UNC5C: variants seen among roughly 807,000 people sequenced by gnomAD.
The protein encoded by UNC5C is netrin receptor UNC5C.
UNC5C carries 47 observed loss-of-function variants against 99.8 expected under a neutral mutation model. That is an observed-to-expected ratio of 0.47 (90% confidence interval 0.37 to 0.60). UNC5C has a LOEUF of 0.60. Among genes scored for constraint, UNC5C ranks in the 20% least tolerant of loss-of-function variants. UNC5C has a pLI of 0.00. For synonymous variants in UNC5C, 487 were observed against 452.2 expected (o/e 1.08, Z -0.98); for missense variants, 1,062 against 1,165.9 (o/e 0.91, Z 1.30).
intron 14 of UNC5C, 57 bp downstream of exon 14, chr4:95,182,840 T>A (rs904288244): frequency 8.4e-6 from 13 of 1,555,340 alleles, no homozygotes; most frequent in Middle Eastern, 1.9e-4. Context: ...GCCCACACAC[T>A]CTGTCTTCCT....
intron 1 of UNC5C, among the ~76,000 whole-genome samples, chr4:95,384,811 C>T (rs565985186): frequency 1.3e-5 from 2 of 152,210 alleles, no homozygotes; most frequent in South Asian, 4.1e-4. Context: ...ACCAAAATAG[C>T]ATCTTCGGAG....
Position 95,386,133 on chromosome 4 carries a change from C to T in UNC5C, c.125-50502G>A, listed in dbSNP as rs942293085. Among the ~76,000 whole-genome samples the T allele has an allele frequency of 3.9e-5, 6 of 152,264 alleles. No individual in the cohort carries two copies. The South Asian group carries it at 6.2e-4, about 16-fold the overall frequency. On this transcript the variant is annotated intron_variant, in intron 1 of 15. Transcript: ENST00000453304. ...TCTCCCGGTAATTTTTCTAATGTTT[C>T]TCCCATCTCTTTGTTCCTTCTGTCC...
At chr4:95,215,952 C>A in intron 10 of UNC5C, 172 bp downstream of exon 10, 1 of 506,264 alleles carries the variant, frequency 2.0e-6, no homozygotes, top group East Asian at 3.5e-5. Context: ...CGTCTGGAGC[C>A]TCAAAGACAA....
In UNC5C at chr4:95,212,757, A is replaced by G. The variant is rs149764245; in HGVS notation, c.1733+3367T>C. On this transcript the variant is annotated intron_variant, in intron 10 of 15. Transcript: ENST00000453304. ...CACTGCTGCTTCTCACCTTTCTCACAATTGTCACAGTGCCCCAGGCTTGAT... is the reference window on the plus strand; with the variant it reads ...CACTGCTGCTTCTCACCTTTCTCACGATTGTCACAGTGCCCCAGGCTTGAT... 1.1e-3 allele frequency among the ~76,000 whole-genome samples: 167 copies of G among 152,134 alleles called. 2 individuals carry two copies. In the East Asian group the frequency reaches 0.032, roughly 29 times the overall value.
At chr4:95,376,818 T>C (rs1744909818) in intron 1 of UNC5C, among the ~76,000 whole-genome samples, 1 of 152,196 alleles carries the variant, frequency 6.6e-6, no homozygotes, top group South Asian at 2.1e-4. Flanking sequence ...AAAATTCACA[T>C]TTGACCACTT....
At chr4:95,521,632 A>T (rs542499093) in intron 1 of UNC5C, among the ~76,000 whole-genome samples, 1 of 152,244 alleles carries the variant, frequency 6.6e-6, no homozygotes, top group Non-Finnish European at 1.5e-5. Context: ...CACATTGGGG[A>T]CTTAGGATTT....
At chr4:95,332,659 G>A (rs1220629115) in intron 2 of UNC5C, among the ~76,000 whole-genome samples, 1 of 150,174 alleles carries the variant, frequency 6.7e-6, no homozygotes, top group African/African-American at 2.4e-5. Flanking sequence ...ACATAGGCAT[G>A]GGCAAGGACT....
chr4:95,295,060 C>T (rs377759576), intron 3 of UNC5C, among the ~76,000 whole-genome samples: 2 of 152,266 alleles, frequency 1.3e-5, no homozygotes, highest in East Asian at 3.9e-4. Flanking sequence ...TCCTTACCCC[C>T]ACAACACAAT....
intron 2 of UNC5C, among the ~76,000 whole-genome samples, chr4:95,324,986 TA>T (rs1430030651): frequency 6.6e-6 from 1 of 152,264 alleles, no homozygotes; most frequent in Admixed American, 6.5e-5. Context: ...CAGTGTTTCC[TA>T]AATTGGCTGC....
At chr4:95,461,443 A>G (rs1578176253) in intron 1 of UNC5C, among the ~76,000 whole-genome samples, 1 of 98,406 alleles carries the variant, frequency 1.0e-5, no homozygotes, top group South Asian at 3.7e-4. Flanking sequence ...CCAAAGTAAA[A>G]TTATAAATTA....
chr4:95,336,617 T>C (rs1743359983), intron 1 of UNC5C, among the ~76,000 whole-genome samples: 1 of 151,936 alleles, frequency 6.6e-6, no homozygotes, highest in African/African-American at 2.4e-5. Context: ...AGTGGACATC[T>C]GTCCACTAAG....
At chr4:95,490,965 A>T (rs1034214286) in intron 1 of UNC5C, among the ~76,000 whole-genome samples, 1 of 151,648 alleles carries the variant, frequency 6.6e-6, no homozygotes, top group Non-Finnish European at 1.5e-5. Flanking sequence ...AACTTCTGGT[A>T]GGGAATGTTT....
At chr4:95,413,002 C>A (rs1159529611) in intron 1 of UNC5C, among the ~76,000 whole-genome samples, 1 of 152,118 alleles carries the variant, frequency 6.6e-6, no homozygotes, top group Non-Finnish European at 1.5e-5. Context: ...GCGAATTGAA[C>A]AAAAGTCAAG....
chr4:95,331,737 C>A (rs1286305496), intron 2 of UNC5C, among the ~76,000 whole-genome samples: 1 of 151,900 alleles, frequency 6.6e-6, no homozygotes, highest in Non-Finnish European at 1.5e-5. Flanking sequence ...TTTTTATGTA[C>A]AATTATAAAA....
At position 95,458,311 on chromosome 4, in the gene UNC5C, A is replaced by G. The variant is rs1480287535; in HGVS notation, c.124+90423T>C. ...AACTGAGATAAAAACAGGGTTTGGA[A>G]GAGGTCTGTATCATATCTATTAATA... On this transcript the variant is annotated intron_variant, in intron 1 of 15. Coordinates refer to ENST00000453304, the MANE Select transcript of UNC5C (RefSeq NM_003728.4). Among the ~76,000 whole-genome samples, 3 of 152,170 alleles carry G rather than the reference A, an allele frequency of 2.0e-5. No homozygotes were observed. The East Asian group carries it at 5.8e-4, about 29-fold the overall frequency.
intron 12 of UNC5C, among the ~76,000 whole-genome samples, chr4:95,191,984 C>A (rs1309337643): frequency 2.2e-5 from 3 of 134,012 alleles, no homozygotes; most frequent in Admixed American, 1.5e-4. Context: ...TCCTCCCCTC[C>A]CCCCTGCTAA....
At chr4:95,277,724 C>A (rs1740912167) in intron 4 of UNC5C, among the ~76,000 whole-genome samples, 1 of 152,116 alleles carries the variant, frequency 6.6e-6, no homozygotes, top group Non-Finnish European at 1.5e-5. Context: ...AAATGTAGGA[C>A]TTGATGGAAA....
In UNC5C at chr4:95,245,095, G is replaced by T. The variant is rs1169835934; in HGVS notation, c.825C>A (p.Arg275=). ...TACGTTTCTGATACCCTCGTCCACA[G>T]CGGCTGTTACACACAGACCACTCCG... ...TWTEWSVCNS[R]CGRGYQKRTR... is the part of the protein sequence containing the mutation. The change falls in exon 6 of 16, where the codon CGC becomes CGA. Residue 275 remains arginine (R), a synonymous_variant. Coordinates refer to ENST00000453304, the MANE Select transcript of UNC5C (RefSeq NM_003728.4). The T allele has an allele frequency of 1.2e-6, 2 of 1,614,010 alleles. No homozygotes were observed. Among genetic ancestry groups the T allele is most frequent in the Admixed American group, 3.3e-5 (2 of 59,990 alleles).
chr4:95,226,308 T>C (rs1202392057), intron 7 of UNC5C, among the ~76,000 whole-genome samples: 3 of 152,194 alleles, frequency 2.0e-5, no homozygotes, highest in African/African-American at 7.2e-5. Context: ...GCCGAACTAC[T>C]TCACTTTTCT....
Sources: gnomAD v4.1 joint callset for allele counts (sites outside exome capture counted in the v4.1 genomes callset) on GRCh38, gnomAD v4.1.1 for gene constraint, MANE v1.5 for transcripts, NCBI Gene and HGNC (gene_info 2026-07-23, HGNC 2026-07-21) for gene names.